LOC128706665: variants seen among roughly 807,000 people sequenced by gnomAD.
chr20:10,422,864 A>G, the LOC128706665 span, among the ~76,000 whole-genome samples: 61 of 151,718 alleles, frequency 4.0e-4, no homozygotes, highest in Non-Finnish European at 4.3e-4. Context: ...GGTGCCCGCC[A>G]CCACACCTGG....
the LOC128706665 span, among the ~76,000 whole-genome samples, chr20:10,432,273 C>A: frequency 1.7e-3 from 261 of 152,326 alleles, no homozygotes; most frequent in African/African-American, 5.9e-3. Context: ...TTTTCTATTG[C>A]CCAATCCTGC....
chr20:10,424,027 T>G, the LOC128706665 span, among the ~76,000 whole-genome samples: 2 of 152,214 alleles, frequency 1.3e-5, no homozygotes, highest in African/African-American at 4.8e-5. Flanking sequence ...TGACAGATAA[T>G]TCTGTTGTCC....
the LOC128706665 span, among the ~76,000 whole-genome samples, chr20:10,419,241 T>C: frequency 6.6e-6 from 1 of 152,268 alleles, no homozygotes; most frequent in East Asian, 1.9e-4. Flanking sequence ...TAAATTATAA[T>C]AGAAAATGCT....
the LOC128706665 span, among the ~76,000 whole-genome samples, chr20:10,418,680 G>C: frequency 1.3e-5 from 2 of 152,156 alleles, no homozygotes; most frequent in Non-Finnish European, 2.9e-5. Flanking sequence ...TTTCCTCCAA[G>C]AGTATTTCTT....
the LOC128706665 span, among the ~76,000 whole-genome samples, chr20:10,423,022 A>G: frequency 6.6e-6 from 1 of 151,898 alleles, no homozygotes; most frequent in African/African-American, 2.4e-5. Flanking sequence ...TTCAAGTCAC[A>G]TTACTTTTAA....
At chr20:10,416,510 T>C in the LOC128706665 span, among the ~76,000 whole-genome samples, 1 of 151,958 alleles carries the variant, frequency 6.6e-6, no homozygotes, top group Non-Finnish European at 1.5e-5. Context: ...AACAGATTAA[T>C]ATAACTGAAA....
At chr20:10,421,675 G>A in the LOC128706665 span, among the ~76,000 whole-genome samples, 1 of 152,020 alleles carries the variant, frequency 6.6e-6, no homozygotes, top group Non-Finnish European at 1.5e-5. Context: ...TGTTTGCCCT[G>A]AATCACTAGA....
chr20:10,421,216 G>T, the LOC128706665 span, among the ~76,000 whole-genome samples: 1 of 152,128 alleles, frequency 6.6e-6, no homozygotes, highest in East Asian at 1.9e-4. Context: ...GATTGCCTGA[G>T]GTCAGGAGTT....
the LOC128706665 span, among the ~76,000 whole-genome samples, chr20:10,414,169 A>AT: frequency 3.9e-5 from 6 of 152,162 alleles, no homozygotes; most frequent in Non-Finnish European, 8.8e-5. Context: ...AAGGCACAAC[A>AT]ACATGGCTAG....
At chr20:10,428,817 C>T in the LOC128706665 span, among the ~76,000 whole-genome samples, 1 of 150,592 alleles carries the variant, frequency 6.6e-6, no homozygotes. Flanking sequence ...GCACTCCAGC[C>T]TAGGTGACAG....
At chr20:10,430,788 C>T in the LOC128706665 span, among the ~76,000 whole-genome samples, 2 of 152,166 alleles carry the variant, frequency 1.3e-5, no homozygotes, top group South Asian at 2.1e-4. Flanking sequence ...GAAGCAAAGA[C>T]GGTGAAAAAT....
chr20:10,426,407 T>C, the LOC128706665 span, among the ~76,000 whole-genome samples: 1 of 147,868 alleles, frequency 6.8e-6, no homozygotes, highest in African/African-American at 2.5e-5. Flanking sequence ...CCTGGCATGT[T>C]GTTCTTTTTT....
At chr20:10,427,019 A>ACACT in the LOC128706665 span, among the ~76,000 whole-genome samples, 6,528 of 120,706 alleles carry the variant, frequency 0.054, 228 homozygotes, top group Admixed American at 0.082. Context: ...GGCCAAGAAA[A>ACACT]GAAAACACTG....
chr20:10,420,456 G>C, the LOC128706665 span: 1 of 152,198 alleles, frequency 6.6e-6, no homozygotes, highest in Non-Finnish European at 1.5e-5. Flanking sequence ...CCTTGCCAGA[G>C]ATCTAAAAGA....
the LOC128706665 span, among the ~76,000 whole-genome samples, chr20:10,422,304 G>A: frequency 2.0e-5 from 3 of 151,734 alleles, no homozygotes; most frequent in Non-Finnish European, 2.9e-5. Context: ...CTTTTCTAAC[G>A]TACTGTGGTA....
the LOC128706665 span, among the ~76,000 whole-genome samples, chr20:10,416,223 T>C: frequency 2.0e-5 from 3 of 152,108 alleles, no homozygotes; most frequent in Non-Finnish European, 4.4e-5. Context: ...TTCTTCTAAA[T>C]TAAGAGGTGC....
chr20:10,431,037 G>A, the LOC128706665 span, among the ~76,000 whole-genome samples: 1 of 152,090 alleles, frequency 6.6e-6, no homozygotes, highest in Non-Finnish European at 1.5e-5. Context: ...TCTGAAATAG[G>A]GGGCCACATT....
chr20:10,431,465 C>T, the LOC128706665 span, among the ~76,000 whole-genome samples: 2 of 151,976 alleles, frequency 1.3e-5, no homozygotes, highest in African/African-American at 2.4e-5. Flanking sequence ...AAGGAGAATA[C>T]AGGTTTGAGA....
the LOC128706665 span, among the ~76,000 whole-genome samples, chr20:10,414,868 G>A: frequency 6.6e-6 from 1 of 152,056 alleles, no homozygotes; most frequent in Non-Finnish European, 1.5e-5. Flanking sequence ...ATCATTTTAC[G>A]TTATCAATCA....
Sources: gnomAD v4.1 joint callset for allele counts (sites outside exome capture counted in the v4.1 genomes callset) on GRCh38, gnomAD v4.1.1 for gene constraint, MANE v1.5 for transcripts.